SERGEF: variants seen among roughly 807,000 people sequenced by gnomAD.
The protein encoded by SERGEF is secretion regulating guanine nucleotide exchange factor.
In SERGEF, 51 loss-of-function variants were observed where a neutral mutation model predicts 50.0. That is an observed-to-expected ratio of 1.02 (90% CI 0.81 to 1.29). The LOEUF (loss-of-function observed/expected upper bound fraction) is 1.29. SERGEF is among the 50% of genes most tolerant of loss of function. The pLI is 0.00. For missense variants in SERGEF, 521 were observed against 557.0 expected (o/e 0.94, Z 0.65); for synonymous variants, 205 against 212.4 (o/e 0.97, Z 0.30).
rs756296490 is a variant in SERGEF at position 18,007,927 on chromosome 11, T to G, written c.196+14A>C. ...TAAGAAAATGAGTGACTATCTACTT[T>G]TGAAGGAAATTACCTGTGACAACTG... On this transcript the variant is annotated intron_variant, in intron 2 of 10. Transcript: ENST00000265965. 1 of 1,604,872 alleles carries G rather than the reference T, an allele frequency of 6.2e-7. No homozygotes were observed. Among genetic ancestry groups the G allele is most frequent in the Admixed American group, 1.7e-5 (1 of 58,932 alleles).
intron 8 of SERGEF, among the ~76,000 whole-genome samples, chr11:17,974,898 G>C (rs1445816786): frequency 1.3e-5 from 2 of 152,218 alleles, no homozygotes; most frequent in East Asian, 3.8e-4. Flanking sequence ...GCTTAATGGA[G>C]AGAAGTGGTG....
At chr11:17,957,187 C>G (rs1852893155) in intron 9 of SERGEF, among the ~76,000 whole-genome samples, 1 of 152,180 alleles carries the variant, frequency 6.6e-6, no homozygotes. Context: ...ACGTAAAATT[C>G]ACATCAATGT....
chr11:17,960,697 T>G (rs933863836), intron 8 of SERGEF, among the ~76,000 whole-genome samples: 1 of 152,146 alleles, frequency 6.6e-6, no homozygotes, highest in East Asian at 1.9e-4. Context: ...AAAATAACCA[T>G]AGATTCATGG....
intron 9 of SERGEF, among the ~76,000 whole-genome samples, chr11:17,916,822 GT>G (rs938570757): frequency 2.0e-5 from 3 of 152,166 alleles, no homozygotes; most frequent in African/African-American, 7.2e-5. Flanking sequence ...TCATTTATCT[GT>G]TTTTTCTTAT....
intron 9 of SERGEF, among the ~76,000 whole-genome samples, chr11:17,900,293 G>A (rs1489145504): frequency 6.6e-6 from 1 of 152,106 alleles, no homozygotes; most frequent in Non-Finnish European, 1.5e-5. Flanking sequence ...TTGCCATTTC[G>A]CTAGGTTACC....
At chr11:17,806,874 A>T (rs1393251237) in intron 10 of SERGEF, among the ~76,000 whole-genome samples, 6 of 151,786 alleles carry the variant, frequency 4.0e-5, no homozygotes, top group Non-Finnish European at 8.8e-5. Flanking sequence ...CTCCCACCAA[A>T]CTCAATTGTG....
chr11:17,897,099 G>C (rs1590184512), intron 9 of SERGEF, among the ~76,000 whole-genome samples: 1 of 152,198 alleles, frequency 6.6e-6, no homozygotes, highest in African/African-American at 2.4e-5. Context: ...GGAGAAATCA[G>C]AAAGACTAGG....
intron 10 of SERGEF, among the ~76,000 whole-genome samples, chr11:17,793,065 G>T (rs1446607792): frequency 6.6e-6 from 1 of 152,152 alleles, no homozygotes; most frequent in Non-Finnish European, 1.5e-5. Context: ...GTGTGATAAT[G>T]GTACGTAGGT....
At chr11:17,874,866 A>G (rs557560393) in intron 10 of SERGEF, among the ~76,000 whole-genome samples, 4 of 152,132 alleles carry the variant, frequency 2.6e-5, no homozygotes, top group Non-Finnish European at 5.9e-5. Context: ...TTCCTTCTCT[A>G]GCTCCTGAGA....
chr11:17,930,321 G>C (rs1191562790), intron 9 of SERGEF, among the ~76,000 whole-genome samples: 1 of 152,130 alleles, frequency 6.6e-6, no homozygotes, highest in Non-Finnish European at 1.5e-5. Flanking sequence ...ACCAAGGCAG[G>C]GCCCCAATTC....
At chr11:17,926,741 G>A (rs1358973342) in intron 9 of SERGEF, 3 of 456,116 alleles carry the variant, frequency 6.6e-6, no homozygotes, top group South Asian at 4.6e-5. Context: ...GTCCTACCTT[G>A]CTATTACTCC....
intron 10 of SERGEF, among the ~76,000 whole-genome samples, chr11:17,798,217 C>T (rs1246325748): frequency 3.3e-5 from 5 of 152,112 alleles, no homozygotes; most frequent in Non-Finnish European, 7.4e-5. Flanking sequence ...AAAAGGTTGC[C>T]CAGTTCTCTC....
intron 10 of SERGEF, chr11:17,854,680 T>C (rs1224259413): frequency 6.6e-6 from 1 of 152,204 alleles, no homozygotes; most frequent in Non-Finnish European, 1.5e-5. Context: ...CAAAATATCT[T>C]AATTTGCATC....
Position 17,975,548 on chromosome 11 carries a change from C to T in SERGEF, c.844+13049G>A, listed in dbSNP as rs1430373521. On this transcript the variant is annotated intron_variant, in intron 8 of 10. Transcript: ENST00000265965. ...AGATAACTCCAGTCCCACCCATCTC[C>T]CCATCTCATAGATTCTCAAAATCAC... Among the ~76,000 whole-genome samples, 7 of 152,276 alleles carry T rather than the reference C, an allele frequency of 4.6e-5. No individual in the cohort carries two copies. The South Asian group carries it at 1.2e-3, about 27-fold the overall frequency.
intron 9 of SERGEF, among the ~76,000 whole-genome samples, chr11:17,948,233 C>T (rs943040337): frequency 6.6e-6 from 1 of 152,178 alleles, no homozygotes; most frequent in Non-Finnish European, 1.5e-5. Flanking sequence ...ATAAACAAAA[C>T]GTACATTTGT....
intron 9 of SERGEF, among the ~76,000 whole-genome samples, chr11:17,958,576 T>C (rs1191321139): frequency 6.6e-6 from 1 of 152,070 alleles, no homozygotes; most frequent in Non-Finnish European, 1.5e-5. Context: ...CTGGGAAAAA[T>C]AAACACGAGT....
chr11:17,960,043 C>T (rs1323492997), intron 8 of SERGEF, among the ~76,000 whole-genome samples: 1 of 152,204 alleles, frequency 6.6e-6, no homozygotes, highest in South Asian at 2.1e-4. Context: ...CCCACCCAAC[C>T]CAGGGCCCCA....
intron 9 of SERGEF, among the ~76,000 whole-genome samples, chr11:17,901,436 G>A (rs891464705): frequency 6.6e-6 from 1 of 152,256 alleles, no homozygotes; most frequent in African/African-American, 2.4e-5. Context: ...TTAGCTAGAC[G>A]TTTAAGTGTT....
At chr11:17,899,952 C>CAA (rs113362559) in intron 9 of SERGEF, among the ~76,000 whole-genome samples, 52 of 89,740 alleles carry the variant, frequency 5.8e-4, no homozygotes, top group African/African-American at 1.1e-3. Flanking sequence ...CTCTTGCCTC[C>CAA]AAAAAAAAAA....
Sources: allele counts gnomAD v4.1 joint callset (sites outside exome capture counted in the v4.1 genomes callset), GRCh38; gene constraint gnomAD v4.1.1; transcripts MANE v1.5; gene names NCBI Gene and HGNC (gene_info 2026-07-23, HGNC 2026-07-21).